NARS2: variants seen among roughly 807,000 people sequenced by gnomAD.
NARS2 encodes asparaginyl-tRNA synthetase 2, mitochondrial.
Under a neutral mutation model 62.9 loss-of-function variants are expected in NARS2, and 60 were observed. The observed-to-expected ratio is 0.95, with a 90% CI of 0.77 to 1.18. The LOEUF (loss-of-function observed/expected upper bound fraction) is 1.18. Among genes scored for constraint, NARS2 ranks in the 50% most tolerant of loss-of-function variants. The pLI, the probability that NARS2 is intolerant of heterozygous loss-of-function variation, is 0.00. For missense variants in NARS2, 619 were observed against 576.4 expected, an observed-to-expected ratio of 1.07 and a Z score of -0.76; for synonymous variants, 196 against 200.0, an observed-to-expected ratio of 0.98 and a Z score of 0.17.
At chr11:78,443,938 T>C (rs1443513213) in intron 11 of NARS2, 180 bp from the exon 12 acceptor site, 1 of 426,010 alleles carries the variant, frequency 2.3e-6, no homozygotes. Context: ...TTGTGTAGTA[T>C]ACTGAACACA....
intron 6 of NARS2, among the ~76,000 whole-genome samples, chr11:78,527,454 G>A (rs1020696323): frequency 6.6e-6 from 1 of 151,996 alleles, no homozygotes; most frequent in Non-Finnish European, 1.5e-5. Flanking sequence ...CACTTTTTCT[G>A]CATAGTATTC....
intron 11 of NARS2, among the ~76,000 whole-genome samples, chr11:78,464,761 A>G (rs1262510108): frequency 6.6e-6 from 1 of 151,796 alleles, no homozygotes; most frequent in Non-Finnish European, 1.5e-5. Context: ...GTGCATTCAC[A>G]AACCCTGAGC....
At chr11:78,539,631 G>A (rs1167553235) in intron 5 of NARS2, among the ~76,000 whole-genome samples, 1 of 152,194 alleles carries the variant, frequency 6.6e-6, no homozygotes, top group East Asian at 1.9e-4. Context: ...TCAGTATGTA[G>A]ATGGTATGGT....
At chr11:78,469,454 A>G (rs1220975241) in intron 9 of NARS2, 141 bp from the exon 10 acceptor site, 2 of 625,284 alleles carry the variant, frequency 3.2e-6, no homozygotes, top group Non-Finnish European at 5.7e-6. Context: ...ATCTAATCCT[A>G]TGAAAGAATG....
intron 6 of NARS2, among the ~76,000 whole-genome samples, chr11:78,507,807 C>A (rs933104700): frequency 1.8e-4 from 28 of 152,126 alleles, no homozygotes; most frequent in African/African-American, 6.8e-4. Context: ...GCGTTAGCCA[C>A]TGGCACCCAG....
At chr11:78,474,022 C>T (rs1398191410) in intron 9 of NARS2, among the ~76,000 whole-genome samples, 2 of 152,228 alleles carry the variant, frequency 1.3e-5, no homozygotes, top group African/African-American at 4.8e-5. Context: ...GTCCATATCA[C>T]TCTGGTGTTT....
chr11:78,471,832 A>G (rs1160668464), intron 9 of NARS2, among the ~76,000 whole-genome samples: 3 of 151,686 alleles, frequency 2.0e-5, no homozygotes, highest in African/African-American at 7.3e-5. Context: ...ATGATTTCCA[A>G]TTTCATCCAC....
chr11:78,531,767 G>A (rs1004761594), intron 5 of NARS2, among the ~76,000 whole-genome samples: 1 of 152,134 alleles, frequency 6.6e-6, no homozygotes, highest in Non-Finnish European at 1.5e-5. Context: ...AACATGCTAA[G>A]TGAAAGAAGA....
intron 6 of NARS2, among the ~76,000 whole-genome samples, chr11:78,514,355 G>C (rs1034385294): frequency 3.3e-5 from 5 of 152,126 alleles, no homozygotes; most frequent in Non-Finnish European, 7.4e-5. Flanking sequence ...CTTCTGGGCT[G>C]AAAGTGATCT....
chr11:78,545,371 C>T (rs1328092895), intron 5 of NARS2, among the ~76,000 whole-genome samples: 5 of 152,146 alleles, frequency 3.3e-5, no homozygotes. Flanking sequence ...CCTCTCTTTC[C>T]TATGCTCGAT....
intron 5 of NARS2, among the ~76,000 whole-genome samples, chr11:78,540,949 A>C (rs1855591817): frequency 6.6e-6 from 1 of 152,188 alleles, no homozygotes; most frequent in Non-Finnish European, 1.5e-5. Context: ...ACCTGAGGTC[A>C]GGAGTTCGAG....
At chr11:78,560,991 G>A (rs1181637913) in intron 4 of NARS2, among the ~76,000 whole-genome samples, 1 of 152,208 alleles carries the variant, frequency 6.6e-6, no homozygotes, top group African/African-American at 2.4e-5. Flanking sequence ...GGAAGGGGAG[G>A]TGGAGAGGGA....
intron 9 of NARS2, among the ~76,000 whole-genome samples, chr11:78,469,755 T>C (rs1337024080): frequency 6.8e-6 from 1 of 146,494 alleles, no homozygotes; most frequent in Non-Finnish European, 1.5e-5. Flanking sequence ...CGTGCGCGCA[T>C]GTGTGTGTCA....
chr11:78,479,784 A>G (rs1859269011), intron 7 of NARS2, among the ~76,000 whole-genome samples: 2 of 152,192 alleles, frequency 1.3e-5, no homozygotes, highest in African/African-American at 4.8e-5. Context: ...TTGAGGCTGG[A>G]AGCATAGTGA....
At chr11:78,465,272 G>A (rs986743530) in intron 11 of NARS2, among the ~76,000 whole-genome samples, 21 of 152,232 alleles carry the variant, frequency 1.4e-4, no homozygotes, top group Admixed American at 7.2e-4. Flanking sequence ...CCTGGTTCCC[G>A]CCCATGCCTC....
intron 5 of NARS2, among the ~76,000 whole-genome samples, chr11:78,537,599 C>G (rs1360332941): frequency 6.6e-6 from 1 of 152,162 alleles, no homozygotes; most frequent in African/African-American, 2.4e-5. Flanking sequence ...CAGTTTGAGA[C>G]CAGCCCTGGG....
At position 78,463,713 on chromosome 11, in the gene NARS2, C is replaced by CAAAAAAAA. The variant is rs10649252; in HGVS notation, c.1164+2155_1164+2162dup. Among the ~76,000 whole-genome samples, 138 of 47,984 alleles carry CAAAAAAAA rather than the reference C, an allele frequency of 2.9e-3. 8 individuals carry two copies. Among genetic ancestry groups the CAAAAAAAA allele is most frequent in the Admixed American group, 3.5e-3 (11 of 3,120 alleles). 31.5% of individuals were successfully genotyped at this position (47,984 alleles called of 152,430 possible). A position where few individuals can be genotyped will look rare whatever the true frequency, so the allele number is the denominator to read the frequency against. The stretch of plus-strand genomic sequence containing the variant: ...AAAAAAAGACAACTATAGTTAAGGT[C>CAAAAAAAA]AAAAAAAAAAAAAAAAAAAAAAAAC... On this transcript the variant is annotated intron_variant, in intron 11 of 13. Transcript: ENST00000281038.
intron 5 of NARS2, among the ~76,000 whole-genome samples, chr11:78,542,722 T>C (rs1855670361): frequency 6.6e-6 from 1 of 151,988 alleles, no homozygotes; most frequent in Admixed American, 6.6e-5. Context: ...CTGAGCAACA[T>C]AGTGAGACCC....
chr11:78,530,584 C>G (rs1861441716), intron 5 of NARS2, among the ~76,000 whole-genome samples: 1 of 152,172 alleles, frequency 6.6e-6, no homozygotes, highest in Non-Finnish European at 1.5e-5. Flanking sequence ...AGTGATTCTC[C>G]TGCCTCAGCC....
Sources: gnomAD v4.1 joint callset for allele counts (sites outside exome capture counted in the v4.1 genomes callset) on GRCh38, gnomAD v4.1.1 for gene constraint, MANE v1.5 for transcripts, NCBI Gene and HGNC (gene_info 2026-07-23, HGNC 2026-07-21) for gene names.